Variants in USP47 observed in about 807,000 individuals in gnomAD.
USP47 encodes the protein ubiquitin carboxyl-terminal hydrolase 47.
In USP47, 35 loss-of-function variants were observed where a neutral mutation model predicts 165.1. That is an observed-to-expected ratio of 0.21 (90% CI 0.16 to 0.28). The LOEUF is 0.28. Ranked by LOEUF, USP47 falls within the 10% of genes least tolerant of loss-of-function variation. USP47 has a pLI of 1.00. For synonymous variants in USP47, 531 were observed against 544.5 expected (o/e 0.98, Z 0.35); for missense variants, 1,277 against 1,607.4 (o/e 0.79, Z 3.52).
intron 8 of USP47, among the ~76,000 whole-genome samples, chr11:11,917,112 T>G (rs749800744): frequency 1.3e-5 from 2 of 152,114 alleles, no homozygotes; most frequent in Non-Finnish European, 2.9e-5. Context: ...AGCACACCAC[T>G]GCATTCCAGC....
rs183403489 is a variant in USP47, at chr11:11,846,536, T to C, written c.39+4312T>C. Among the ~76,000 whole-genome samples the C allele has an allele frequency of 2.7e-4, 41 of 152,230 alleles. 1 individual carries two copies. Among genetic ancestry groups the C allele is most frequent in the Admixed American group, 2.7e-3 (41 of 15,298 alleles). On this transcript the variant is annotated intron_variant, in intron 1 of 27. Transcript: ENST00000527733. ...TATCTCTGGGTTTTTTTCTCCTGTCTTTCATGCAATCACTACTTCTGTCTG... is the reference window on the plus strand; with the variant it reads ...TATCTCTGGGTTTTTTTCTCCTGTCCTTCATGCAATCACTACTTCTGTCTG...
At chr11:11,876,764 G>T (rs932996917) in intron 1 of USP47, among the ~76,000 whole-genome samples, 1 of 152,224 alleles carries the variant, frequency 6.6e-6, no homozygotes, top group African/African-American at 2.4e-5. Context: ...TTACATGGTG[G>T]CTGGGTTATA....
chr11:11,852,727 T>C (rs890820548), intron 1 of USP47, among the ~76,000 whole-genome samples: 3 of 152,212 alleles, frequency 2.0e-5, no homozygotes, highest in Admixed American at 2.0e-4. Flanking sequence ...TAATAGTCTT[T>C]CAAAAATTTC....
chr11:11,867,545 C>T (rs896807101), intron 1 of USP47, among the ~76,000 whole-genome samples: 20 of 152,066 alleles, frequency 1.3e-4, no homozygotes, highest in African/African-American at 4.6e-4. Flanking sequence ...GAATTCTGCT[C>T]AGACTCAATT....
At chr11:11,932,914 AG>A in intron 14 of USP47, 89 bp from the exon 15 acceptor site, 1 of 889,242 alleles carries the variant, frequency 1.1e-6, no homozygotes, top group Non-Finnish European at 1.8e-6. Flanking sequence ...CTACAGTAGA[AG>A]TATATACCAT....
chr11:11,956,137 C>G lies in USP47; in HGVS notation c.4030C>G (p.Leu1344Val). ...PRKEKALKIY[L>V]DGAPNKDLTQ... is the part of the protein sequence containing the mutation. ...TAAAGAGAAAGCACTAAAAATATAT[C>G]TGGATGGAGCACCAAATAAAGATCT... Residue 1344 changes from leucine (L) to valine (V), a missense_variant, in exon 28 of 28, where the codon CTG becomes GTG. By Grantham distance (32) the Leu-to-Val change is conservative. Coordinates refer to ENST00000527733, the MANE Select transcript of USP47 (RefSeq NM_001282659.2). 6.2e-7 allele frequency: 1 copy of G among 1,613,868 alleles called. No individual in the cohort carries two copies. Among genetic ancestry groups the G allele is most frequent in the African/African-American group, 1.3e-5 (1 of 75,030 alleles).
At chr11:11,954,776 AT>A in intron 25 of USP47, 120 bp from the exon 26 acceptor site, 20 of 1,186,026 alleles carry the variant, frequency 1.7e-5, no homozygotes, top group Non-Finnish European at 2.3e-5. Context: ...CTTTTTCTTA[AT>A]TTTTTTACAT....
At chr11:11,934,862 A>C (rs149775141) in intron 16 of USP47, among the ~76,000 whole-genome samples, 2 of 152,240 alleles carry the variant, frequency 1.3e-5, no homozygotes, top group African/African-American at 4.8e-5. Context: ...AATGACTGAA[A>C]TTAAACAGTC....
Position 11,942,968 on chromosome 11 carries a change from A to G in USP47, c.2947A>G (p.Lys983Glu), listed in dbSNP as rs1564891036. 1.2e-6 allele frequency: 2 copies of G among 1,613,608 alleles called. No homozygotes were observed. Among genetic ancestry groups the G allele is most frequent in the Admixed American group, 1.7e-5 (1 of 59,938 alleles). Residue 983 changes from lysine (K) to glutamate (E), a missense_variant, in exon 20 of 28, where the codon AAA (lysine) becomes GAA (glutamate). Coordinates refer to ENST00000527733, the MANE Select transcript of USP47 (RefSeq NM_001282659.2). ...SRRTKANEGK[K>E]ETWDTAEEDS... ...AAGAACGAAAGCAAATGAAGGGAAA[A>G]AAGAAACATGGGATACAGCAGAAGA...
Position 11,942,330 on chromosome 11 carries a change from T to C in USP47, c.2314-5T>C. 1 of 1,579,552 alleles carries C rather than the reference T, an allele frequency of 6.3e-7. No homozygotes were observed. The highest frequency in any genetic ancestry group is 8.6e-7 in the Non-Finnish European group (1 of 1,167,144). ...TATATAATAAAACTCTGACTTACTATGTAGGTGTTTGTTGAAAGCTCCGAG... is the reference window on the plus strand; with the variant it reads ...TATATAATAAAACTCTGACTTACTACGTAGGTGTTTGTTGAAAGCTCCGAG... On this transcript the variant is annotated splice_region_variant and splice_polypyrimidine_tract_variant and intron_variant, in intron 19 of 27. Coordinates refer to ENST00000527733, the MANE Select transcript of USP47 (RefSeq NM_001282659.2).
rs144470808 is a variant in USP47 at position 11,887,986 on chromosome 11, G to T, written c.357+3406G>T. 5.1e-4 allele frequency among the ~76,000 whole-genome samples: 78 copies of T among 152,218 alleles called. 1 individual carries two copies. Among genetic ancestry groups the T allele is most frequent in the Admixed American group, 3.7e-3 (57 of 15,278 alleles). ...CTCTTGAGTAAATAATGACATTAAG[G>T]CAGAAATCAAGAAGTTCTTTGAAAC... On this transcript the variant is annotated intron_variant, in intron 3 of 27. Coordinates refer to ENST00000527733, the MANE Select transcript of USP47 (RefSeq NM_001282659.2).
chr11:11,888,702 T>C (rs1851324137), intron 3 of USP47, among the ~76,000 whole-genome samples: 1 of 152,186 alleles, frequency 6.6e-6, no homozygotes, highest in South Asian at 2.1e-4. Flanking sequence ...ATTCTTTGTA[T>C]GAGGCCAGCC....
chr11:11,929,940 T>C, intron 12 of USP47, 104 bp from the exon 13 acceptor site: 1 of 918,636 alleles, frequency 1.1e-6, no homozygotes, highest in South Asian at 1.5e-5. Flanking sequence ...ATCATGAAGG[T>C]CTTTGATAGC....
chr11:11,922,924 AGT>A, intron 11 of USP47, 33 bp downstream of exon 11: 1 of 1,591,390 alleles, frequency 6.3e-7, no homozygotes, highest in Middle Eastern at 1.7e-4. Flanking sequence ...TTTAGTTGAA[AGT>A]GAGAATAATC....
At chr11:11,945,580 T>C (rs1370314451) in intron 20 of USP47, among the ~76,000 whole-genome samples, 2 of 151,966 alleles carry the variant, frequency 1.3e-5, no homozygotes, top group Admixed American at 6.6e-5. Context: ...CCAAGATAAA[T>C]AAAGATGGTA....
chr11:11,907,877 C>T (rs1852677050), intron 8 of USP47, among the ~76,000 whole-genome samples: 1 of 152,118 alleles, frequency 6.6e-6, no homozygotes, highest in Admixed American at 6.5e-5. Flanking sequence ...GGGCAGATCA[C>T]TTGAGGACAG....
intron 4 of USP47, among the ~76,000 whole-genome samples, chr11:11,894,041 T>A (rs1851703099): frequency 6.6e-6 from 1 of 152,178 alleles, no homozygotes; most frequent in African/African-American, 2.4e-5. Context: ...ATAAAAAAAA[T>A]ACAAAATTAT....
intron 1 of USP47, among the ~76,000 whole-genome samples, chr11:11,870,509 T>C (rs1849968167): frequency 6.6e-6 from 1 of 152,234 alleles, no homozygotes; most frequent in African/African-American, 2.4e-5. Flanking sequence ...GAACTGTCTT[T>C]AGCTATTCCT....
At chr11:11,868,292 C>T (rs1849812480) in intron 1 of USP47, among the ~76,000 whole-genome samples, 1 of 152,194 alleles carries the variant, frequency 6.6e-6, no homozygotes, top group African/African-American at 2.4e-5. Context: ...ACTTCCCTTT[C>T]ACTCCCTATT....
Sources: allele counts gnomAD v4.1 joint callset (sites outside exome capture counted in the v4.1 genomes callset), GRCh38; gene constraint gnomAD v4.1.1; transcripts MANE v1.5; gene names NCBI Gene and HGNC (gene_info 2026-07-23, HGNC 2026-07-21).